HES1: variants seen among roughly 807,000 people sequenced by gnomAD.
HES1 encodes hes family bHLH transcription factor 1, also known as transcription factor HES-1.
In HES1, 7 loss-of-function variants were observed where a neutral mutation model predicts 21.0. That is an observed-to-expected ratio of 0.33 (90% CI 0.19 to 0.63). The LOEUF is 0.63. Ranked by LOEUF, HES1 falls within the 20% of genes least tolerant of loss-of-function variation. The pLI is 0.78. For missense variants in HES1, 338 were observed against 389.8 expected (o/e 0.87, Z 1.12); for synonymous variants, 169 against 171.2 (o/e 0.99, Z 0.10).
At position 194,137,064 on chromosome 3, in the gene HES1, C is replaced by G. The variant is rs1456801296; in HGVS notation, c.292+16C>G. On this transcript the variant is annotated intron_variant, in intron 3 of 3. Transcript: ENST00000232424. This position sits in a 1 kb window ranked among gnomAD's most constrained non-coding sequence, Gnocchi z 5.4. ...CAGATGACGGGTGAGGGCGGCTCGC[C>G]GCGTCCCCCTGTGCGGGCGTCCCGC... 1 of 1,609,148 alleles carries G rather than the reference C, an allele frequency of 6.2e-7. No individual in the cohort carries two copies. The highest frequency in any genetic ancestry group is 8.5e-7 in the Non-Finnish European group (1 of 1,175,784).
At position 194,138,247 on chromosome 3, in the gene HES1, A is replaced by AC; in HGVS notation, c.*18dup. 6.5e-7 allele frequency: 1 copy of AC among 1,528,958 alleles called. No individual in the cohort carries two copies. The highest frequency in any genetic ancestry group is 8.8e-7 in the Non-Finnish European group (1 of 1,138,158). 94.7% of individuals were successfully genotyped at this position (1,528,958 alleles called of 1,614,324 possible). ...TGGCGGAACTGAGGGGGCTCAGGCCACCCCTCCTCCTAAACTCCCCAACCC... is the reference window on the plus strand; with the variant it reads ...TGGCGGAACTGAGGGGGCTCAGGCCACCCCCTCCTCCTAAACTCCCCAACCC... On this transcript the variant is annotated 3_prime_UTR_variant, in exon 4 of 4. Coordinates refer to ENST00000232424, the MANE Select transcript of HES1 (RefSeq NM_005524.4).
chr3:194,136,606 T>C lies in HES1; in HGVS notation c.109-11T>C. 1 of 1,600,378 alleles carries C rather than the reference T, an allele frequency of 6.2e-7. No homozygotes were observed. Among genetic ancestry groups the C allele is most frequent in the Non-Finnish European group, 8.5e-7 (1 of 1,173,324 alleles). ...TCCATGGGAACACAGAACTCTTTTT[T>C]TTATTTGCAGTCATCAAAGCCTATT... On this transcript the variant is annotated splice_polypyrimidine_tract_variant and intron_variant, in intron 1 of 3. Coordinates refer to ENST00000232424, the MANE Select transcript of HES1 (RefSeq NM_005524.4).
At chr3:194,136,546 G>A (rs1715343069) in intron 1 of HES1, 58 bp downstream of exon 1, 15 of 1,559,672 alleles carry the variant, frequency 9.6e-6, no homozygotes, top group Non-Finnish European at 1.3e-5. Flanking sequence ...GGGTTGGGGG[G>A]CTTCTTTCTG....
Position 194,136,975 on chromosome 3 carries a change from C to A in HES1, c.219C>A (p.Ser73=). ...DALKKDSSRH[S]KLEKADILEM... ...ACTCTATGCAGAGCTCGCGGCATTC[C>A]AAGCTGGAGAAGGCGGACATTCTGG... Residue 73 remains serine, a synonymous_variant, in exon 3 of 4, where the codon TCC becomes TCA. Transcript: ENST00000232424. 6 of 1,614,200 alleles carry A rather than the reference C, an allele frequency of 3.7e-6. No homozygotes were observed. Among genetic ancestry groups the A allele is most frequent in the Non-Finnish European group, 5.1e-6 (6 of 1,180,012 alleles).
Position 194,136,390 on chromosome 3 carries a change from G to A in HES1, c.10G>A (p.Asp4Asn). The A allele has an allele frequency of 6.5e-7, 1 of 1,547,578 alleles. No homozygotes were observed. Among genetic ancestry groups the A allele is most frequent in the Non-Finnish European group, 8.8e-7 (1 of 1,135,288 alleles). MPA[D>N]IMEKNSSSPV... is the part of the protein sequence containing the mutation. ...AAAAAAAAAAAGGAAAATGCCAGCTGATATAATGGAGAAAAATTCCTCGTC... is the reference window on the plus strand; with the variant it reads ...AAAAAAAAAAAGGAAAATGCCAGCTAATATAATGGAGAAAAATTCCTCGTC... The change falls in exon 1 of 4, where the codon GAT becomes AAT. Residue 4 changes from aspartate (D) to asparagine (N), a missense_variant. Transcript: ENST00000232424.
rs755506528 is a variant in HES1 at position 194,137,824 on chromosome 3, A to C, written c.434A>C (p.Asn145Thr). Reference protein sequence around the residue: ...VRTRLLGHLANCMTQINAMTY... With the variant: ...VRTRLLGHLATCMTQINAMTY... ...ACTCGGCTGCTCGGCCACCTGGCCA[A>C]CTGCATGACCCAGATCAATGCCATG... Residue 145 changes from asparagine to threonine, a missense_variant, in exon 4 of 4, where the codon AAC becomes ACC. Asn to Thr is a moderately conservative substitution (Grantham distance 65). Transcript: ENST00000232424. This position sits in a 1 kb window ranked among gnomAD's most constrained non-coding sequence, Gnocchi z 5.4. 12 of 1,613,290 alleles carry C rather than the reference A, an allele frequency of 7.4e-6. No individual in the cohort carries two copies. In the South Asian group the frequency reaches 1.3e-4, roughly 18 times the overall value.
chr3:194,137,908 C>T lies in HES1; in HGVS notation c.518C>T (p.Pro173Leu), dbSNP rs1715386588. The change falls in exon 4 of 4, where the codon CCC (proline) becomes CTC (leucine). Residue 173 changes from proline (P) to leucine (L), a missense_variant. Pro to Leu is a moderately conservative substitution (Grantham distance 98). Coordinates refer to ENST00000232424, the MANE Select transcript of HES1 (RefSeq NM_005524.4). The surrounding 1 kb of genome is among the most constrained non-coding windows in gnomAD (Gnocchi z 5.4). ...LQAPPPPPPG[P>L]GGPQHAPFAP... is the part of the protein sequence containing the mutation. Reference sequence around the variant, plus strand: ...GCGCCGCCACCGCCCCCACCGGGACCCGGCGGCCCCCAGCACGCGCCGTTC... The same window carrying T: ...GCGCCGCCACCGCCCCCACCGGGACTCGGCGGCCCCCAGCACGCGCCGTTC... The T allele has an allele frequency of 2.8e-6, 4 of 1,429,038 alleles. No homozygotes were observed. Among genetic ancestry groups the T allele is most frequent in the South Asian group, 1.7e-5 (1 of 57,960 alleles). The allele number at this position is 1,429,038 out of a possible 1,614,324, so 88.5% of individuals were successfully genotyped here. A position where few individuals can be genotyped will look rare whatever the true frequency, so the allele number is the denominator to read the frequency against.
chr3:194,138,259 A>C lies in HES1; in HGVS notation c.*26A>C. The stretch of plus-strand genomic sequence containing the variant: ...GGGGGCTCAGGCCACCCCTCCTCCT[A>C]AACTCCCCAACCCACCTCTCTTCCC... On this transcript the variant is annotated 3_prime_UTR_variant, in exon 4 of 4. Coordinates refer to ENST00000232424, the MANE Select transcript of HES1 (RefSeq NM_005524.4). 6.6e-7 allele frequency: 1 copy of C among 1,518,610 alleles called. No homozygotes were observed. Among genetic ancestry groups the C allele is most frequent in the Non-Finnish European group, 8.8e-7 (1 of 1,133,458 alleles). 94.1% of individuals were successfully genotyped at this position (1,518,610 alleles called of 1,614,324 possible).
chr3:194,137,883 G>GCGCCGC lies in HES1; in HGVS notation c.495_500dup (p.Pro170_Pro171dup), dbSNP rs1176672667. 1 of 1,495,948 alleles carries GCGCCGC rather than the reference G, an allele frequency of 6.7e-7. No homozygotes were observed. The highest frequency in any genetic ancestry group is 9.0e-7 in the Non-Finnish European group (1 of 1,116,448). The allele number at this position is 1,495,948 out of a possible 1,614,324, so 92.7% of individuals were successfully genotyped here. Reference sequence around the variant, plus strand: ...CGGGCAGCCGCACCCCGCCTTGCAGGCGCCGCCACCGCCCCCACCGGGACC... The same window carrying GCGCCGC: ...CGGGCAGCCGCACCCCGCCTTGCAGGCGCCGCCGCCGCCACCGCCCCCACCGGGACC... On this transcript the variant is annotated inframe_insertion, in exon 4 of 4. Transcript: ENST00000232424. This position sits in a 1 kb window ranked among gnomAD's most constrained non-coding sequence, Gnocchi z 5.4.
chr3:194,137,296 G>A lies in HES1; in HGVS notation c.292+248G>A, dbSNP rs1173964053. The A allele has an allele frequency of 5.0e-6, 3 of 594,156 alleles. No individual in the cohort carries two copies. The highest frequency in any genetic ancestry group is 9.0e-6 in the Non-Finnish European group (3 of 333,934). The allele number at this position is 594,156 out of a possible 1,614,324, so 36.8% of individuals were successfully genotyped here. ...GCCGGGTAGGGGCGAAAGGACTTAG[G>A]ACTGTGGCGGTTTGGAACTGCGTGG... On this transcript the variant is annotated intron_variant, in intron 3 of 3. Transcript: ENST00000232424. This position sits in a 1 kb window ranked among gnomAD's most constrained non-coding sequence, Gnocchi z 5.4.
Position 194,138,112 on chromosome 3 carries a change from GC to G in HES1, c.723del (p.Ser241ArgfsTer75). 6.2e-7 allele frequency: 1 copy of G among 1,612,560 alleles called. No individual in the cohort carries two copies. Among genetic ancestry groups the G allele is most frequent in the Non-Finnish European group, 8.5e-7 (1 of 1,179,610 alleles). Reference sequence around the variant, plus strand: ...ATTCCCAACGGGGCCTTCGCGCACAGCGGCCCTGTCATCCCCGTCTACACCA... The same window carrying G: ...ATTCCCAACGGGGCCTTCGCGCACAGGGCCCTGTCATCCCCGTCTACACCA... Reference protein sequence around the residue: ...FLIPNGAFAHSGPVIPVYTSN... With the variant: ...FLIPNGAFAHXGPVIPVYTSN... On this transcript the variant is annotated frameshift_variant, in exon 4 of 4. Coordinates refer to ENST00000232424, the MANE Select transcript of HES1 (RefSeq NM_005524.4). LOFTEE classifies it high-confidence loss of function.
At chr3:194,136,800 C>A in intron 2 of HES1, 88 bp downstream of exon 2, 1 of 1,380,992 alleles carries the variant, frequency 7.2e-7, no homozygotes, top group Non-Finnish European at 1.0e-6. Flanking sequence ...CCTGCGGGGT[C>A]TGGCACTCGC....
Position 194,138,003 on chromosome 3 carries a change from C to T in HES1, c.613C>T (p.Leu205=), listed in dbSNP as rs767463400. 1.3e-6 allele frequency: 2 copies of T among 1,489,480 alleles called. No individual in the cohort carries two copies. The highest frequency in any genetic ancestry group is 2.7e-5 in the East Asian group (1 of 36,818). The allele number at this position is 1,489,480 out of a possible 1,614,324, so 92.3% of individuals were successfully genotyped here. A position where few individuals can be genotyped will look rare whatever the true frequency, so the allele number is the denominator to read the frequency against. ...APPPGGAPCK[L]GSQAGEAAKV... ...CCCTCCCGGCGGCGCCCCCTGCAAG[C>T]TGGGCAGCCAGGCTGGAGAGGCGGC... is the stretch of plus-strand genomic sequence containing the variant. The change falls in exon 4 of 4, where the codon CTG becomes TTG. Residue 205 remains leucine, a synonymous_variant. Transcript: ENST00000232424.
In HES1 at chr3:194,137,914, G is replaced by A; in HGVS notation, c.524G>A (p.Gly175Asp). Residue 175 changes from glycine to aspartate, a missense_variant, in exon 4 of 4, where the codon GGC (glycine) becomes GAC (aspartate). Physicochemically the swap from Gly to Asp is moderately conservative, Grantham distance 94. Transcript: ENST00000232424. This position sits in a 1 kb window ranked among gnomAD's most constrained non-coding sequence, Gnocchi z 5.4. Reference protein sequence around the residue: ...APPPPPPGPGGPQHAPFAPPP... With the variant: ...APPPPPPGPGDPQHAPFAPPP... The stretch of plus-strand genomic sequence containing the variant: ...CCACCGCCCCCACCGGGACCCGGCG[G>A]CCCCCAGCACGCGCCGTTCGCGCCG... 12 of 1,411,644 alleles carry A rather than the reference G, an allele frequency of 8.5e-6. No individual in the cohort carries two copies. Among genetic ancestry groups the A allele is most frequent in the Non-Finnish European group, 1.1e-5 (12 of 1,075,724 alleles). The allele number at this position is 1,411,644 out of a possible 1,614,324, so 87.4% of individuals were successfully genotyped here.
Position 194,138,270 on chromosome 3 carries a change from C to T in HES1, c.*37C>T, listed in dbSNP as rs780654821. On this transcript the variant is annotated 3_prime_UTR_variant, in exon 4 of 4. Coordinates refer to ENST00000232424, the MANE Select transcript of HES1 (RefSeq NM_005524.4). ...CCACCCCTCCTCCTAAACTCCCCAA[C>T]CCACCTCTCTTCCCTCCGGACTCTA... 10 of 1,496,186 alleles carry T rather than the reference C, an allele frequency of 6.7e-6. No homozygotes were observed. The Admixed American group carries it at 1.9e-4, about 28-fold the overall frequency. The allele number at this position is 1,496,186 out of a possible 1,614,324, so 92.7% of individuals were successfully genotyped here.
chr3:194,136,901 C>G, intron 2 of HES1, 60 bp from the exon 3 acceptor site: 1 of 1,531,286 alleles, frequency 6.5e-7, no homozygotes, highest in Non-Finnish European at 9.1e-7. Context: ...AGGAGGGACC[C>G]CCAGCACTCT....
chr3:194,136,814 T>C (rs762149315), intron 2 of HES1, 102 bp downstream of exon 2: 1 of 1,364,686 alleles, frequency 7.3e-7, no homozygotes, highest in South Asian at 1.2e-5. Flanking sequence ...CACTCGCTGG[T>C]ACTGCGTTCT....
rs1329746231 is a variant in HES1, at chr3:194,136,352, C to G, written c.-29C>G. 8.1e-7 allele frequency: 1 copy of G among 1,239,732 alleles called. No homozygotes were observed. The highest frequency in any genetic ancestry group is 2.6e-5 in the Admixed American group (1 of 38,472). The allele number at this position is 1,239,732 out of a possible 1,614,324, so 76.8% of individuals were successfully genotyped here. On this transcript the variant is annotated 5_prime_UTR_variant, in exon 1 of 4. Transcript: ENST00000232424. ...TGAAGAACTCCAAAAATAAAATTCT[C>G]TAGAGATAAAAAAAAAAAAAAAAGG...
chr3:194,136,375 A>AAAT lies in HES1; in HGVS notation c.-6_-5insAAT. The AAAT allele has an allele frequency of 1.5e-5, 23 of 1,512,096 alleles. No individual in the cohort carries two copies. Among genetic ancestry groups the AAAT allele is most frequent in the Non-Finnish European group, 2.1e-5 (23 of 1,121,520 alleles). The allele number at this position is 1,512,096 out of a possible 1,614,324, so 93.7% of individuals were successfully genotyped here. A position where few individuals can be genotyped will look rare whatever the true frequency, so the allele number is the denominator to read the frequency against. ...CTCTAGAGATAAAAAAAAAAAAAAAAGGAAAATGCCAGCTGATATAATGGA... is the reference window on the plus strand; with the variant it reads ...CTCTAGAGATAAAAAAAAAAAAAAAAAATGGAAAATGCCAGCTGATATAATGGA... On this transcript the variant is annotated 5_prime_UTR_variant, in exon 1 of 4. The change creates a new upstream start codon in the 5' untranslated region. Transcript: ENST00000232424.
Sources: gnomAD v4.1 joint callset for allele counts on GRCh38, gnomAD v4.1.1 for gene constraint, Gnocchi (gnomAD v3.1) non-coding constraint, MANE v1.5 for transcripts, NCBI Gene and HGNC (gene_info 2026-07-23, HGNC 2026-07-21) for gene names.